The following ABCA4 variants were observed in gnomAD, a reference collection of about 807,000 sequenced individuals.
ABCA4 encodes retinal-specific phospholipid-transporting ATPase ABCA4.
In ABCA4, 196 loss-of-function variants were observed where a neutral mutation model predicts 263.7. That is an observed-to-expected ratio of 0.74 (90% CI 0.66 to 0.84). ABCA4 has a LOEUF of 0.84. ABCA4 is among the 40% of genes least tolerant of loss of function. ABCA4 has a pLI of 0.00. For missense variants in ABCA4, 2,792 were observed against 2,855.1 expected, an observed-to-expected ratio of 0.98 and a Z score of 0.50; for synonymous variants, 1,133 against 1,094.2, an observed-to-expected ratio of 1.04 and a Z score of -0.70.
At chr1:94,079,511 A>G in intron 8 of ABCA4, 50 bp from the exon 9 acceptor site, 1 of 1,612,828 alleles carries the variant, frequency 6.2e-7, no homozygotes, top group African/African-American at 1.3e-5. Flanking sequence ...ATTGCTTGTA[A>G]CTCAATATAG....
chr1:94,043,228 T>C (rs1468944768), intron 21 of ABCA4, 108 bp downstream of exon 21: 2 of 1,506,378 alleles, frequency 1.3e-6, no homozygotes, highest in Admixed American at 3.6e-5. Context: ...CACAGAGGTG[T>C]TCCCACCCTT....
Position 94,029,503 on chromosome 1 carries a change from T to C in ABCA4, c.4481A>G (p.Glu1494Gly), listed in dbSNP as rs1660137490. The C allele has an allele frequency of 6.3e-7, 1 of 1,599,050 alleles. No homozygotes were observed. The highest frequency in any genetic ancestry group is 1.7e-4 in the Middle Eastern group (1 of 5,874). Residue 1494 changes from glutamate to glycine, a missense_variant, in exon 30 of 50, where the codon GAG becomes GGG. Transcript: ENST00000370225. The part of the protein sequence containing the change: ...PSPSCRCSTR[E>G]KLTMLPECPE... Reference sequence around the variant, plus strand: ...GCACTCTGGCAGCATGGTGAGCTTCTCCCTGGTGCTGCACCTGCAGGATGG... The same window carrying C: ...GCACTCTGGCAGCATGGTGAGCTTCCCCCTGGTGCTGCACCTGCAGGATGG...
chr1:94,080,724 G>A lies in ABCA4; in HGVS notation c.859-6C>T. On this transcript the variant is annotated splice_polypyrimidine_tract_variant and splice_region_variant and intron_variant, in intron 7 of 49. Transcript: ENST00000370225. ...ATACTCGGCCGATGGATAAACTAGG[G>A]CAAGGCAAAGTCTTCAGGTTATTTT... 1.2e-6 allele frequency: 2 copies of A among 1,614,126 alleles called. No homozygotes were observed. Among genetic ancestry groups the A allele is most frequent in the South Asian group, 1.1e-5 (1 of 91,074 alleles).
intron 41 of ABCA4, 82 bp downstream of exon 41, chr1:94,008,669 A>G (rs1659463274): frequency 3.8e-6 from 6 of 1,596,404 alleles, no homozygotes; most frequent in African/African-American, 1.3e-5. Context: ...AAGCATATCA[A>G]TTGTTCTATA....
chr1:94,062,395 C>T (rs1256851194), intron 13 of ABCA4, among the ~76,000 whole-genome samples, 182 bp downstream of exon 13: 1 of 152,122 alleles, frequency 6.6e-6, no homozygotes, highest in African/African-American at 2.4e-5. Flanking sequence ...CTCATCTGTG[C>T]CTGCCTGGAG....
At chr1:94,088,702 C>G (rs934153275) in intron 6 of ABCA4, among the ~76,000 whole-genome samples, 11 of 152,112 alleles carry the variant, frequency 7.2e-5, no homozygotes, top group African/African-American at 2.2e-4. Context: ...AGGATGAGCC[C>G]TTAGATAGCA....
chr1:94,051,962 G>A (rs764204061), intron 16 of ABCA4, among the ~76,000 whole-genome samples: 10 of 152,238 alleles, frequency 6.6e-5, no homozygotes, highest in South Asian at 4.1e-4. Context: ...CCAAGAAAAC[G>A]TTTCATGAGA....
intron 11 of ABCA4, among the ~76,000 whole-genome samples, chr1:94,072,087 G>A (rs1352987388): frequency 2.0e-5 from 3 of 152,052 alleles, no homozygotes; most frequent in African/African-American, 4.8e-5. Context: ...CATTCCCTGC[G>A]TACATTCTGT....
At chr1:94,034,379 T>C (rs758076668) in intron 26 of ABCA4, among the ~76,000 whole-genome samples, 6 of 152,120 alleles carry the variant, frequency 3.9e-5, no homozygotes, top group Non-Finnish European at 7.4e-5. Context: ...TTTGTTATCA[T>C]TTCCATGTTG....
intron 32 of ABCA4, among the ~76,000 whole-genome samples, chr1:94,022,382 T>G (rs1237163094): frequency 6.6e-6 from 1 of 152,168 alleles, no homozygotes; most frequent in African/African-American, 2.4e-5. Context: ...ACATGTCATC[T>G]CCTCCCATCC....
Position 94,021,333 on chromosome 1 carries a change from C to G in ABCA4, c.4925G>C (p.Ser1642Thr). Reference sequence around the variant, plus strand: ...CTCGGGGCTCCTGTCCTTAGGCAGGCTGGCCCGTAAGATGGCGTTGTGGGC... The same window carrying G: ...CTCGGGGCTCCTGTCCTTAGGCAGGGTGGCCCGTAAGATGGCGTTGTGGGC... ...NVAHNAILRA[S>T]LPKDRSPEEY... The change falls in exon 35 of 50, where the codon AGC becomes ACC. Residue 1642 changes from serine to threonine, a missense_variant. Physicochemically the swap from Ser to Thr is moderately conservative, Grantham distance 58. Transcript: ENST00000370225. 1 of 1,614,182 alleles carries G rather than the reference C, an allele frequency of 6.2e-7. No homozygotes were observed. Among genetic ancestry groups the G allele is most frequent in the Non-Finnish European group, 8.5e-7 (1 of 1,180,032 alleles).
At chr1:94,065,331 AG>A (rs1342399049) in intron 11 of ABCA4, among the ~76,000 whole-genome samples, 2 of 152,208 alleles carry the variant, frequency 1.3e-5, no homozygotes, top group African/African-American at 4.8e-5. Context: ...GAGGCGTGGT[AG>A]AGTAGGTATC....
Position 94,046,984 on chromosome 1 carries a change from G to T in ABCA4, c.2853C>A (p.Ile951=), listed in dbSNP as rs1228752553. 6.2e-7 allele frequency: 1 copy of T among 1,614,064 alleles called. No homozygotes were observed. ...CGRPAVDRLN[I]TFYENQITAF... is the part of the protein sequence containing the mutation. The stretch of plus-strand genomic sequence containing the variant: ...CGGTGATCTGGTTCTCGTAGAAGGT[G>T]ATGTTCAGACGGTCCACAGCTGGCC... Residue 951 remains isoleucine (I), a synonymous_variant, in exon 19 of 50, where the codon ATC becomes ATA. Coordinates refer to ENST00000370225, the MANE Select transcript of ABCA4 (RefSeq NM_000350.3).
At chr1:94,058,772 C>T (rs924322570) in intron 14 of ABCA4, among the ~76,000 whole-genome samples, 3 of 152,262 alleles carry the variant, frequency 2.0e-5, no homozygotes, top group African/African-American at 7.2e-5. Context: ...GTGTAATTCA[C>T]TCTGTGACCC....
At chr1:94,045,062 C>T (rs1282176248) in intron 19 of ABCA4, among the ~76,000 whole-genome samples, 3 of 152,226 alleles carry the variant, frequency 2.0e-5, no homozygotes, top group African/African-American at 4.8e-5. Flanking sequence ...TCAGCCATCA[C>T]GGAGCCTGGT....
At chr1:94,031,171 C>T (rs1210011159) in intron 27 of ABCA4, 51 bp from the exon 28 acceptor site, 2 of 1,610,048 alleles carry the variant, frequency 1.2e-6, no homozygotes, top group African/African-American at 1.3e-5. Flanking sequence ...GGAGATGTCA[C>T]ACGTGCGCGT....
chr1:94,091,375 T>C (rs952732598), intron 6 of ABCA4, among the ~76,000 whole-genome samples: 2 of 152,128 alleles, frequency 1.3e-5, no homozygotes, highest in African/African-American at 2.4e-5. Flanking sequence ...CTGTTCACAG[T>C]TGCCTGACTG....
At chr1:94,023,194 G>A (rs1052386680) in intron 32 of ABCA4, among the ~76,000 whole-genome samples, 192 bp downstream of exon 32, 18 of 152,290 alleles carry the variant, frequency 1.2e-4, no homozygotes, top group African/African-American at 4.3e-4. Context: ...CCTCCAAGAA[G>A]AGGCACCACT....
At position 94,042,465 on chromosome 1, in the gene ABCA4, A is replaced by C. The variant is rs565855856; in HGVS notation, c.3328+296T>G. On this transcript the variant is annotated intron_variant, in intron 22 of 49. Transcript: ENST00000370225. ...GTGACCTGGGTCCCCATGGTCAGAGAAGACATTCACCTAGAGTAGCATCCA... is the reference window on the plus strand; with the variant it reads ...GTGACCTGGGTCCCCATGGTCAGAGCAGACATTCACCTAGAGTAGCATCCA... Among the ~76,000 whole-genome samples, 24 of 152,336 alleles carry C rather than the reference A, an allele frequency of 1.6e-4. No individual in the cohort carries two copies. The East Asian group carries it at 4.1e-3, about 26-fold the overall frequency.
Sources: allele counts gnomAD v4.1 joint callset (sites outside exome capture counted in the v4.1 genomes callset), GRCh38; gene constraint gnomAD v4.1.1; transcripts MANE v1.5; gene names NCBI Gene and HGNC (gene_info 2026-07-23, HGNC 2026-07-21).